The following ATXN7 variants were observed in gnomAD, a reference collection of about 807,000 sequenced individuals.
ATXN7 encodes ataxin 7.
In ATXN7, 12 loss-of-function variants were observed where a neutral mutation model predicts 70.5. The ratio of observed to expected loss-of-function variants is 0.17; its 90% CI spans 0.11 to 0.28. ATXN7 has a LOEUF of 0.28. Among genes scored for constraint, ATXN7 ranks in the 10% least tolerant of loss-of-function variants. The probability of loss-of-function intolerance (pLI) is 1.00; values close to 1 mark genes in which losing one functional copy is unlikely to be tolerated. For missense variants in ATXN7, 1,256 were observed against 1,131.7 expected, an observed-to-expected ratio of 1.11 and a Z score of -1.58; for synonymous variants, 498 against 448.7, an observed-to-expected ratio of 1.11 and a Z score of -1.39.
chr3:63,869,334 C>A (rs945215819), intron 1 of ATXN7, among the ~76,000 whole-genome samples: 9 of 152,204 alleles, frequency 5.9e-5, no homozygotes, highest in Non-Finnish European at 1.2e-4. Context: ...TACTCCTAGG[C>A]TCCTAGTAAG....
chr3:63,944,376 G>T (rs1335066840), intron 4 of ATXN7, among the ~76,000 whole-genome samples: 1 of 152,082 alleles, frequency 6.6e-6, no homozygotes, highest in Non-Finnish European at 1.5e-5. Flanking sequence ...GTGCTTTGGG[G>T]CCATTATTAA....
At chr3:63,932,971 C>G (rs1328943023) in intron 4 of ATXN7, among the ~76,000 whole-genome samples, 1 of 152,220 alleles carries the variant, frequency 6.6e-6, no homozygotes, top group African/African-American at 2.4e-5. Flanking sequence ...TATGGATGGA[C>G]ATACAGACTC....
At chr3:63,915,635 TAAATTGATCATGTGAGTGAA>T (rs1290496974) in intron 4 of ATXN7, among the ~76,000 whole-genome samples, 1 of 152,162 alleles carries the variant, frequency 6.6e-6, no homozygotes, top group African/African-American at 2.4e-5. Flanking sequence ...AATATGTAGA[TAAATTGATCATGTGAGTGAA>T]TCACTGGAAG....
At chr3:63,996,507 A>G (rs1340632971) in intron 12 of ATXN7, 24 bp downstream of exon 12, 1 of 1,606,340 alleles carries the variant, frequency 6.2e-7, no homozygotes, top group Admixed American at 1.7e-5. Context: ...TGTGAGCCCC[A>G]TGGGAATGCC....
At chr3:63,971,070 G>A (rs2075305790) in intron 5 of ATXN7, among the ~76,000 whole-genome samples, 1 of 152,168 alleles carries the variant, frequency 6.6e-6, no homozygotes, top group Admixed American at 6.5e-5. Flanking sequence ...TTTGGCAGAG[G>A]TAGCAGTTGG....
intron 5 of ATXN7, chr3:63,967,927 A>G: frequency 6.5e-7 from 1 of 1,535,928 alleles, no homozygotes; most frequent in Non-Finnish European, 8.7e-7. Context: ...AGGTAGCAAG[A>G]CGCCTCTCCA....
chr3:63,982,750 C>G (rs1236677031), intron 7 of ATXN7, 189 bp from the exon 8 acceptor site: 1 of 616,118 alleles, frequency 1.6e-6, no homozygotes, highest in African/African-American at 1.9e-5. Context: ...GCAGTAGTCA[C>G]CCCCTGTCTT....
intron 11 of ATXN7, among the ~76,000 whole-genome samples, chr3:63,993,505 C>G (rs957903739): frequency 1.3e-5 from 2 of 151,750 alleles, no homozygotes; most frequent in Non-Finnish European, 2.9e-5. Context: ...AAACCGAGTC[C>G]TCCTGTCTCC....
chr3:63,881,928 T>G (rs2107224201), intron 1 of ATXN7, among the ~76,000 whole-genome samples: 1 of 152,358 alleles, frequency 6.6e-6, no homozygotes, highest in East Asian at 1.9e-4. Context: ...TGATGGATTT[T>G]ATTTGTTGAA....
intron 1 of ATXN7, among the ~76,000 whole-genome samples, chr3:63,866,193 G>T (rs1702421472): frequency 6.6e-6 from 1 of 152,114 alleles, no homozygotes; most frequent in Non-Finnish European, 1.5e-5. Context: ...AAGACCAAGA[G>T]GAATTTGAAA....
intron 8 of ATXN7, 37 bp from the exon 9 acceptor site, chr3:63,988,020 AAT>A: frequency 6.2e-7 from 1 of 1,607,340 alleles, no homozygotes; most frequent in Non-Finnish European, 8.5e-7. Flanking sequence ...AAAAATTATT[AAT>A]GAGATTCCTC....
intron 1 of ATXN7, among the ~76,000 whole-genome samples, chr3:63,870,640 C>T (rs1029657678): frequency 6.6e-6 from 1 of 151,936 alleles, no homozygotes; most frequent in South Asian, 2.1e-4. Flanking sequence ...ATGATTGGAC[C>T]CTCTCAGATG....
chr3:63,938,216 A>G (rs1393331069), intron 4 of ATXN7, among the ~76,000 whole-genome samples: 1 of 152,208 alleles, frequency 6.6e-6, no homozygotes, highest in Non-Finnish European at 1.5e-5. Flanking sequence ...GTGAAACTGC[A>G]AAGTCTGAAG....
At chr3:63,924,261 C>T (rs1401392605) in intron 4 of ATXN7, among the ~76,000 whole-genome samples, 1 of 152,128 alleles carries the variant, frequency 6.6e-6, no homozygotes, top group Non-Finnish European at 1.5e-5. Flanking sequence ...GGGTCAGCAG[C>T]TCTGATTTTG....
intron 12 of ATXN7, chr3:63,998,024 C>T (rs901523466): frequency 1.0e-6 from 1 of 985,262 alleles, no homozygotes; most frequent in Non-Finnish European, 1.2e-6. Flanking sequence ...AATATAAACA[C>T]AGAAGACATG....
intron 2 of ATXN7, among the ~76,000 whole-genome samples, chr3:63,899,859 T>C (rs917720857): frequency 1.3e-5 from 2 of 152,052 alleles, no homozygotes; most frequent in African/African-American, 4.8e-5. Context: ...CTTCGCGATC[T>C]GCCCTCCTCG....
intron 8 of ATXN7, among the ~76,000 whole-genome samples, chr3:63,985,144 A>C (rs1415307156): frequency 6.6e-6 from 1 of 152,214 alleles, no homozygotes; most frequent in Non-Finnish European, 1.5e-5. Context: ...TTGGATAACT[A>C]CCCAGAAGTG....
At chr3:63,928,334 G>C (rs922530048) in intron 4 of ATXN7, among the ~76,000 whole-genome samples, 1 of 151,866 alleles carries the variant, frequency 6.6e-6, no homozygotes, top group Admixed American at 6.6e-5. Flanking sequence ...CTTATATATA[G>C]GATTTAGATA....
chr3:63,990,540 G>C, intron 10 of ATXN7, 166 bp downstream of exon 10: 1 of 1,144,518 alleles, frequency 8.7e-7, no homozygotes, highest in Non-Finnish European at 1.2e-6. Context: ...ACTCTGTACG[G>C]GGGACATCTC....
Sources: gnomAD v4.1 joint callset for allele counts (sites outside exome capture counted in the v4.1 genomes callset) on GRCh38, gnomAD v4.1.1 for gene constraint, MANE v1.5 for transcripts, NCBI Gene and HGNC (gene_info 2026-07-23, HGNC 2026-07-21) for gene names.